TRAM2: variants seen among roughly 807,000 people sequenced by gnomAD.
TRAM2 encodes translocation associated membrane protein 2, also known as translocating chain-associated membrane protein 2.
In TRAM2, 12 loss-of-function variants were observed where a neutral mutation model predicts 51.0. The ratio of observed to expected loss-of-function variants is 0.24; its 90% CI spans 0.15 to 0.38. The LOEUF (loss-of-function observed/expected upper bound fraction) is 0.38, where lower values mean the gene tolerates loss of function less well. Ranked by LOEUF, TRAM2 falls within the 10% of genes least tolerant of loss-of-function variation. The probability of loss-of-function intolerance (pLI) is 1.00; values close to 1 mark genes in which losing one functional copy is unlikely to be tolerated. For synonymous variants in TRAM2, 175 were observed against 179.4 expected, an observed-to-expected ratio of 0.98 and a Z score of 0.20; for missense variants, 361 against 462.0, an observed-to-expected ratio of 0.78 and a Z score of 2.00.
At chr6:52,560,195 C>T (rs928411713) in intron 1 of TRAM2, among the ~76,000 whole-genome samples, 1 of 151,334 alleles carries the variant, frequency 6.6e-6, no homozygotes, top group African/African-American at 2.4e-5. Context: ...TGCAGTGAGC[C>T]GAGATCATGC....
intron 3 of TRAM2, 98 bp from the exon 4 acceptor site, chr6:52,516,220 CGTT>C (rs1562477508): frequency 8.8e-7 from 1 of 1,136,900 alleles, no homozygotes; most frequent in African/African-American, 1.6e-5. Context: ...GGTTGAACAT[CGTT>C]AGAAGTTTGC....
intron 2 of TRAM2, among the ~76,000 whole-genome samples, chr6:52,519,348 C>CA (rs1415253953): frequency 2.0e-5 from 3 of 152,164 alleles, no homozygotes; most frequent in African/African-American, 7.2e-5. Flanking sequence ...AGAAGAAATA[C>CA]AAATGGCCAA....
At chr6:52,566,093 G>T (rs192014332) in intron 1 of TRAM2, among the ~76,000 whole-genome samples, 1 of 152,274 alleles carries the variant, frequency 6.6e-6, no homozygotes, top group East Asian at 1.9e-4. Context: ...ATTATAATAA[G>T]TCCATAGGAC....
rs189528209 is a variant in TRAM2, at chr6:52,513,796, T to C, written c.411+2210A>G. Among the ~76,000 whole-genome samples, 21 of 152,288 alleles carry C rather than the reference T, an allele frequency of 1.4e-4. 1 individual carries two copies. Among genetic ancestry groups the C allele is most frequent in the Admixed American group, 1.2e-3 (18 of 15,296 alleles). On this transcript the variant is annotated intron_variant, in intron 4 of 10. Transcript: ENST00000182527. ...TGGGACTTTTAAGCACGGGAATGTA[T>C]GGTTTTATTTCTGTTTTAAAAGATC...
intron 1 of TRAM2, among the ~76,000 whole-genome samples, chr6:52,569,389 A>T (rs1173768803): frequency 3.0e-3 from 3 of 1,010 alleles, no homozygotes; most frequent in Non-Finnish European, 4.3e-3. Context: ...GACTCCATTT[A>T]AAAAAAAAAA....
intron 1 of TRAM2, among the ~76,000 whole-genome samples, chr6:52,560,423 C>T (rs1048122557): frequency 3.9e-5 from 6 of 152,316 alleles, no homozygotes; most frequent in Admixed American, 3.9e-4. Flanking sequence ...TCATCCTATA[C>T]ATACTAATTT....
rs59714938 is a variant in TRAM2 at position 52,500,528 on chromosome 6, G to GTTTTTT, written c.*2663_*2668dup. 1 of 123,022 alleles carries GTTTTTT rather than the reference G, an allele frequency of 8.1e-6. No individual in the cohort carries two copies. Among genetic ancestry groups the GTTTTTT allele is most frequent in the African/African-American group, 2.9e-5 (1 of 34,876 alleles). The allele number at this position is 123,022 out of a possible 1,614,324, so 7.6% of individuals were successfully genotyped here. A position where few individuals can be genotyped will look rare whatever the true frequency, so the allele number is the denominator to read the frequency against. Reference sequence around the variant, plus strand: ...ACTCATGGTCTCAGGGTTTTTTTTTGTTTTTTTTTTTTTTTTTACATAAAA... The same window carrying GTTTTTT: ...ACTCATGGTCTCAGGGTTTTTTTTTGTTTTTTTTTTTTTTTTTTTTTTTACATAAAA... On this transcript the variant is annotated 3_prime_UTR_variant, in exon 11 of 11. Coordinates refer to ENST00000182527, the MANE Select transcript of TRAM2 (RefSeq NM_012288.4).
intron 1 of TRAM2, among the ~76,000 whole-genome samples, chr6:52,552,610 C>T (rs540552124): frequency 2.6e-5 from 4 of 152,268 alleles, no homozygotes; most frequent in Admixed American, 6.5e-5. Flanking sequence ...CGGATTCTTC[C>T]CCATGCTTCT....
chr6:52,561,466 G>T (rs1008982161), intron 1 of TRAM2, among the ~76,000 whole-genome samples: 1 of 150,258 alleles, frequency 6.7e-6, no homozygotes, highest in Admixed American at 6.7e-5. Context: ...TTATACTTTA[G>T]TAGAGATGGA....
intron 1 of TRAM2, among the ~76,000 whole-genome samples, chr6:52,544,354 T>C (rs186502053): frequency 7.2e-5 from 11 of 152,322 alleles, no homozygotes; most frequent in East Asian, 1.9e-4. Context: ...GTTTCCATAC[T>C]ACCCCTACTC....
chr6:52,573,103 G>C (rs780496877), intron 1 of TRAM2, among the ~76,000 whole-genome samples: 27 of 152,126 alleles, frequency 1.8e-4, no homozygotes, highest in Non-Finnish European at 3.7e-4. Flanking sequence ...GTCCTGAACT[G>C]ACATTTTAAA....
intron 1 of TRAM2, among the ~76,000 whole-genome samples, chr6:52,574,383 T>C (rs979832097): frequency 1.3e-5 from 2 of 152,164 alleles, no homozygotes; most frequent in African/African-American, 4.8e-5. Flanking sequence ...GAGAGTTAGT[T>C]AGTCGGTGGG....
At chr6:52,509,804 G>A (rs1226216687) in intron 4 of TRAM2, among the ~76,000 whole-genome samples, 1 of 152,128 alleles carries the variant, frequency 6.6e-6, no homozygotes, top group African/African-American at 2.4e-5. Flanking sequence ...GAAGGGCCAC[G>A]CTCTGAGGTC....
intron 4 of TRAM2, among the ~76,000 whole-genome samples, chr6:52,512,877 T>C (rs1766474924): frequency 6.6e-6 from 1 of 152,230 alleles, no homozygotes; most frequent in African/African-American, 2.4e-5. Context: ...AGTCTGTTAG[T>C]AGAAACCGGT....
intron 2 of TRAM2, among the ~76,000 whole-genome samples, chr6:52,526,176 C>G (rs1037849518): frequency 1.5e-3 from 168 of 110,778 alleles, no homozygotes; most frequent in African/African-American, 1.9e-3. Context: ...CACACACACA[C>G]ACACACACAC....
intron 7 of TRAM2, among the ~76,000 whole-genome samples, 187 bp from the exon 8 acceptor site, chr6:52,506,323 T>G (rs1490554207): frequency 2.0e-5 from 3 of 152,180 alleles, no homozygotes; most frequent in African/African-American, 4.8e-5. Flanking sequence ...ACATTTTTCC[T>G]AATACCGACC....
chr6:52,503,532 G>A (rs1766281933), intron 10 of TRAM2, among the ~76,000 whole-genome samples: 1 of 152,178 alleles, frequency 6.6e-6, no homozygotes, highest in Non-Finnish European at 1.5e-5. Flanking sequence ...AGCAGGAGGG[G>A]CCTGGGATGA....
chr6:52,547,452 T>C (rs934185036), intron 1 of TRAM2, among the ~76,000 whole-genome samples: 1 of 152,178 alleles, frequency 6.6e-6, no homozygotes, highest in Non-Finnish European at 1.5e-5. Flanking sequence ...ACACCAGCTA[T>C]GGAGAAGACG....
At position 52,576,224 on chromosome 6, in the gene TRAM2, C is replaced by T. The variant is rs551022344; in HGVS notation, c.120+572G>A. On this transcript the variant is annotated intron_variant, in intron 1 of 10. Transcript: ENST00000182527. ...CTAGAGCACAGCAAAAAAGTGGGAG[C>T]GAGACGAGAGCAGAAGGCCACTGCT... Among the ~76,000 whole-genome samples, 3 of 152,290 alleles carry T rather than the reference C, an allele frequency of 2.0e-5. No individual in the cohort carries two copies. In the East Asian group the frequency reaches 5.8e-4, roughly 29 times the overall value.
Sources: allele counts gnomAD v4.1 joint callset (sites outside exome capture counted in the v4.1 genomes callset), GRCh38; gene constraint gnomAD v4.1.1; transcripts MANE v1.5; gene names NCBI Gene and HGNC (gene_info 2026-07-23, HGNC 2026-07-21).